The following SESN3 variants were observed in gnomAD, a reference collection of about 807,000 sequenced individuals.
SESN3 encodes sestrin-3.
SESN3 carries 21 observed loss-of-function variants against 55.3 expected under a neutral mutation model. That is an observed-to-expected ratio of 0.38 (90% confidence interval 0.27 to 0.55). The LOEUF (loss-of-function observed/expected upper bound fraction) is 0.55. Among genes scored for constraint, SESN3 ranks in the 20% least tolerant of loss-of-function variants. The pLI is 0.76. For missense variants in SESN3, 408 were observed against 604.3 expected, an observed-to-expected ratio of 0.68 and a Z score of 3.41; for synonymous variants, 181 against 203.1, an observed-to-expected ratio of 0.89 and a Z score of 0.93.
rs559356961 is a variant in SESN3, at chr11:95,173,125, A to T, written c.*130T>A. 1.9e-6 allele frequency: 1 copy of T among 538,596 alleles called. No homozygotes were observed. Among genetic ancestry groups the T allele is most frequent in the East Asian group, 2.8e-5 (1 of 36,184 alleles). The allele number at this position is 538,596 out of a possible 1,614,324, so 33.4% of individuals were successfully genotyped here. On this transcript the variant is annotated 3_prime_UTR_variant, in exon 10 of 10. Coordinates refer to ENST00000536441, the MANE Select transcript of SESN3 (RefSeq NM_144665.4). ...CATTACAGCCGCAAAAAACAAAAAA[A>T]AAAAAACAAACGGCTAAACTTTGAC...
At position 95,193,469 on chromosome 11, in the gene SESN3, A is replaced by C; in HGVS notation, c.132T>G (p.Ile44Met). The C allele has an allele frequency of 6.3e-7, 1 of 1,581,742 alleles. No homozygotes were observed. The highest frequency in any genetic ancestry group is 8.7e-7 in the Non-Finnish European group (1 of 1,151,988). Residue 44 changes from isoleucine to methionine, a missense_variant, in exon 2 of 10, where the codon ATT (isoleucine) becomes ATG (methionine). Ile to Met is a conservative substitution (Grantham distance 10, BLOSUM62 1). Around this residue, in one of 4 missense-constraint regions of SESN3, gnomAD observed 107 missense variants for 211.3 expected, o/e 0.51. Transcript: ENST00000536441. ...CAGATAAACTTACTTCCTTCTCTGG[A>C]ATAAAGGCACTTGGTCCTCTTGTCA... ...QPLTRGPSAF[I>M]PEKEVVQANT...
intron 7 of SESN3, among the ~76,000 whole-genome samples, chr11:95,178,407 G>A (rs1382931097): frequency 6.6e-6 from 1 of 152,116 alleles, no homozygotes; most frequent in Non-Finnish European, 1.5e-5. Flanking sequence ...AAGAAAAAGT[G>A]ATGTCACTTG....
chr11:95,175,353 C>CG (rs1247735661), intron 9 of SESN3, 145 bp downstream of exon 9: 1 of 672,004 alleles, frequency 1.5e-6, no homozygotes, highest in African/African-American at 1.8e-5. Context: ...AACAAACAAG[C>CG]AAAAAAACCC....
chr11:95,183,565 C>T, intron 6 of SESN3, among the ~76,000 whole-genome samples: 1 of 151,226 alleles, frequency 6.6e-6, no homozygotes, highest in Non-Finnish European at 1.5e-5. Flanking sequence ...ATGTGTGATC[C>T]CAGCTACTCA....
rs1037954264 is a variant in SESN3, at chr11:95,217,124, A to G, written c.78+13659T>C. 4.0e-5 allele frequency among the ~76,000 whole-genome samples: 6 copies of G among 151,682 alleles called. 1 individual carries two copies. The highest frequency in any genetic ancestry group is 9.7e-5 in the African/African-American group (4 of 41,224). On this transcript the variant is annotated intron_variant, in intron 1 of 9. Transcript: ENST00000536441. ...CTGTCTCAAAAAAAAAAAAAAAAGT[A>G]AAATATTTTCCACTACTATATGCTT...
chr11:95,216,840 GC>G (rs1388104824), intron 1 of SESN3, among the ~76,000 whole-genome samples: 9 of 152,030 alleles, frequency 5.9e-5, no homozygotes, highest in Non-Finnish European at 1.0e-4. Context: ...AGGCATAGTG[GC>G]TCACACCTGT....
chr11:95,206,969 C>T (rs374480888), intron 1 of SESN3, among the ~76,000 whole-genome samples: 1 of 151,786 alleles, frequency 6.6e-6, no homozygotes, highest in Non-Finnish European at 1.5e-5. Context: ...CTAGTAGAGA[C>T]GGGGTTTCAC....
intron 1 of SESN3, among the ~76,000 whole-genome samples, chr11:95,211,914 G>C (rs1860662724): frequency 6.6e-6 from 1 of 152,124 alleles, no homozygotes; most frequent in South Asian, 2.1e-4. Context: ...CTATCAATTG[G>C]CTCAAAGTAG....
At chr11:95,219,293 T>C (rs2076731556) in intron 1 of SESN3, among the ~76,000 whole-genome samples, 1 of 152,230 alleles carries the variant, frequency 6.6e-6, no homozygotes, top group Non-Finnish European at 1.5e-5. Context: ...TATCTTACTT[T>C]AGCTTAAATG....
chr11:95,205,529 A>G (rs1225261763), intron 1 of SESN3, among the ~76,000 whole-genome samples: 1 of 152,214 alleles, frequency 6.6e-6, no homozygotes, highest in Non-Finnish European at 1.5e-5. Flanking sequence ...GGTTCCTCAC[A>G]GAATTCTGAA....
intron 1 of SESN3, among the ~76,000 whole-genome samples, chr11:95,204,623 A>T (rs894056806): frequency 1.3e-5 from 2 of 152,108 alleles, no homozygotes; most frequent in Admixed American, 6.6e-5. Flanking sequence ...AGACCCCAAG[A>T]GCTCCCTGGC....
rs546348034 is a variant in SESN3, at chr11:95,193,622, ATAATT to A, written c.79-105_79-101del. On this transcript the variant is annotated intron_variant, in intron 1 of 9. Transcript: ENST00000536441. The stretch of plus-strand genomic sequence containing the variant: ...TAAGGTACTAAAATAAAGAGAATAA[ATAATT>A]AAATTATGTGAGACCAGAGTAAGTG... 8.9e-4 allele frequency: 625 copies of A among 700,778 alleles called. 8 individuals are homozygous for A. In the African/African-American group the frequency reaches 9.7e-3, roughly 11 times the overall value. The allele number at this position is 700,778 out of a possible 1,614,324, so 43.4% of individuals were successfully genotyped here. A position where few individuals can be genotyped will look rare whatever the true frequency, so the allele number is the denominator to read the frequency against.
In SESN3 at chr11:95,171,576, T is replaced by C. The variant is rs1859849806; in HGVS notation, c.*1679A>G. 6.6e-6 allele frequency: 1 copy of C among 152,180 alleles called. No homozygotes were observed. Among genetic ancestry groups the C allele is most frequent in the South Asian group, 2.1e-4 (1 of 4,826 alleles). The allele number at this position is 152,180 out of a possible 1,614,324, so 9.4% of individuals were successfully genotyped here. A position where few individuals can be genotyped will look rare whatever the true frequency, so the allele number is the denominator to read the frequency against. ...ATTTCATGAAACACTAGTTCACGATTCTTTCACAAAAGAAAAGTTAAATCT... is the reference window on the plus strand; with the variant it reads ...ATTTCATGAAACACTAGTTCACGATCCTTTCACAAAAGAAAAGTTAAATCT... On this transcript the variant is annotated 3_prime_UTR_variant, in exon 10 of 10. Coordinates refer to ENST00000536441, the MANE Select transcript of SESN3 (RefSeq NM_144665.4).
upstream of SESN3, chr11:95,231,697 C>T (rs115469450): frequency 6.6e-6 from 1 of 152,260 alleles, no homozygotes; most frequent in African/African-American, 2.4e-5. Context: ...TTCCTTCCTT[C>T]AGGGCAGTGG....
Position 95,207,628 on chromosome 11 carries a change from T to A in SESN3, c.79-14106A>T, listed in dbSNP as rs1031350708. Reference sequence around the variant, plus strand: ...TGCTAGTTTAAAAAATGTTTTATTTTAAAAATAATTTTACTTAACCTATTA... The same window carrying A: ...TGCTAGTTTAAAAAATGTTTTATTTAAAAAATAATTTTACTTAACCTATTA... On this transcript the variant is annotated intron_variant, in intron 1 of 9. Coordinates refer to ENST00000536441, the MANE Select transcript of SESN3 (RefSeq NM_144665.4). Among the ~76,000 whole-genome samples the A allele has an allele frequency of 1.5e-4, 23 of 151,686 alleles. 1 individual carries two copies. The highest frequency in any genetic ancestry group is 5.6e-4 in the African/African-American group (23 of 41,396).
At chr11:95,207,186 C>T (rs913739565) in intron 1 of SESN3, among the ~76,000 whole-genome samples, 10 of 144,354 alleles carry the variant, frequency 6.9e-5, no homozygotes, top group African/African-American at 2.5e-4. Flanking sequence ...AATCAACCAA[C>T]CAATCAGTAT....
At chr11:95,221,007 AAAGT>A (rs1230090937) in intron 1 of SESN3, among the ~76,000 whole-genome samples, 3 of 152,220 alleles carry the variant, frequency 2.0e-5, no homozygotes, top group East Asian at 1.9e-4. Context: ...ATGTGTTTTG[AAAGT>A]AAGAGTCACA....
At chr11:95,192,723 G>C (rs528833944) in intron 2 of SESN3, among the ~76,000 whole-genome samples, 2 of 152,222 alleles carry the variant, frequency 1.3e-5, no homozygotes, top group Non-Finnish European at 2.9e-5. Flanking sequence ...GTGAGGAAAT[G>C]TTAACTACAA....
rs1029221000 is a variant in SESN3 at position 95,169,981 on chromosome 11, C to A, written c.*3274G>T. On this transcript the variant is annotated 3_prime_UTR_variant, in exon 10 of 10. Transcript: ENST00000536441. ...GTTTCTCTGCCATTATTTGGGCTTA[C>A]AACCATAATTAAAGGCCAAGGCTAT... The A allele has an allele frequency of 1.3e-5, 2 of 152,146 alleles. No individual in the cohort carries two copies. Among genetic ancestry groups the A allele is most frequent in the African/African-American group, 4.8e-5 (2 of 41,426 alleles). The allele number at this position is 152,146 out of a possible 1,614,324, so 9.4% of individuals were successfully genotyped here.
Sources: gnomAD v4.1 joint callset for allele counts (sites outside exome capture counted in the v4.1 genomes callset) on GRCh38, gnomAD v4.1.1 for gene constraint, gnomAD v4.1.1 regional missense constraint, MANE v1.5 for transcripts, NCBI Gene and HGNC (gene_info 2026-07-23, HGNC 2026-07-21) for gene names.